Variants in ZFAND3 observed in about 807,000 individuals in gnomAD.
ZFAND3 encodes the protein AN1-type zinc finger protein 3.
In ZFAND3, 10 loss-of-function variants were observed where a neutral mutation model predicts 29.6. That is an observed-to-expected ratio of 0.34 (90% CI 0.21 to 0.57). ZFAND3 has a LOEUF of 0.57. Ranked by LOEUF, ZFAND3 falls within the 20% of genes least tolerant of loss-of-function variation. The pLI is 0.86. For missense variants in ZFAND3, 230 were observed against 304.5 expected, an observed-to-expected ratio of 0.76 and a Z score of 1.82; for synonymous variants, 128 against 112.6, an observed-to-expected ratio of 1.14 and a Z score of -0.87.
In ZFAND3 at chr6:37,961,467, T is replaced by C. The variant is rs527491408; in HGVS notation, c.112+31468T>C. Among the ~76,000 whole-genome samples, 8 of 152,334 alleles carry C rather than the reference T, an allele frequency of 5.3e-5. No individual in the cohort carries two copies. In the East Asian group the frequency reaches 1.4e-3, roughly 26 times the overall value. ...GGAAGGACATAGGTCTGCCTGGCTT[T>C]GCTACCTGCTGATTGTAGAGCCCTA... On this transcript the variant is annotated intron_variant, in intron 2 of 5. Transcript: ENST00000287218.
At chr6:38,039,558 A>T (rs1340919697) in intron 2 of ZFAND3, among the ~76,000 whole-genome samples, 1 of 152,216 alleles carries the variant, frequency 6.6e-6, no homozygotes, top group African/African-American at 2.4e-5. Flanking sequence ...TTAGATGCAT[A>T]TGTGTCAGCA....
intron 3 of ZFAND3, among the ~76,000 whole-genome samples, chr6:38,067,523 T>G (rs1180399627): frequency 6.6e-6 from 1 of 152,232 alleles, no homozygotes. Flanking sequence ...CAAATTAGGC[T>G]ATACAGTGGA....
At chr6:38,107,622 A>G (rs540412985) in intron 4 of ZFAND3, among the ~76,000 whole-genome samples, 4 of 152,334 alleles carry the variant, frequency 2.6e-5, no homozygotes, top group South Asian at 4.1e-4. Flanking sequence ...ACCTCAGGCC[A>G]GGAGTTTGAG....
At chr6:38,150,932 C>T (rs750559081) in intron 5 of ZFAND3, among the ~76,000 whole-genome samples, 15 of 152,292 alleles carry the variant, frequency 9.8e-5, no homozygotes, top group Middle Eastern at 3.4e-3. Context: ...TCCAGGCCCA[C>T]GGGGCCTGGA....
chr6:37,964,211 C>T (rs1056075793), intron 2 of ZFAND3, among the ~76,000 whole-genome samples: 1 of 152,174 alleles, frequency 6.6e-6, no homozygotes, highest in South Asian at 2.1e-4. Flanking sequence ...GAGATATGAA[C>T]TTTGATGTCC....
At chr6:37,984,672 C>T (rs1468239700) in intron 2 of ZFAND3, among the ~76,000 whole-genome samples, 1 of 152,248 alleles carries the variant, frequency 6.6e-6, no homozygotes, top group African/African-American at 2.4e-5. Context: ...AAAACTTCTA[C>T]TGAAGCCCAG....
intron 1 of ZFAND3, among the ~76,000 whole-genome samples, chr6:37,925,232 T>C (rs1172783450): frequency 6.6e-6 from 1 of 152,022 alleles, no homozygotes; most frequent in Non-Finnish European, 1.5e-5. Context: ...GGGTCAAGAA[T>C]GGGAACGAGA....
At chr6:37,972,494 A>G (rs554049038) in intron 2 of ZFAND3, among the ~76,000 whole-genome samples, 10 of 152,320 alleles carry the variant, frequency 6.6e-5, no homozygotes, top group Admixed American at 2.0e-4. Context: ...TTGTAGGTAT[A>G]TGGAATTGTG....
intron 2 of ZFAND3, among the ~76,000 whole-genome samples, chr6:37,994,798 C>T (rs1762821559): frequency 1.3e-5 from 2 of 152,146 alleles, no homozygotes; most frequent in African/African-American, 2.4e-5. Flanking sequence ...CAGATTTTTG[C>T]AGGTGCTGTT....
At chr6:37,827,336 A>G (rs1581690791) in intron 1 of ZFAND3, among the ~76,000 whole-genome samples, 1 of 152,224 alleles carries the variant, frequency 6.6e-6, no homozygotes, top group Non-Finnish European at 1.5e-5. Flanking sequence ...AGCGGCTTGT[A>G]CAGGGAGGTA....
chr6:37,897,171 C>T (rs1765235626), intron 1 of ZFAND3, among the ~76,000 whole-genome samples: 1 of 152,174 alleles, frequency 6.6e-6, no homozygotes, highest in Non-Finnish European at 1.5e-5. Context: ...TTCCTTCATA[C>T]CTGTAGGCTC....
At chr6:38,134,258 T>G (rs1256185001) in intron 5 of ZFAND3, among the ~76,000 whole-genome samples, 1 of 152,236 alleles carries the variant, frequency 6.6e-6, no homozygotes, top group Admixed American at 6.5e-5. Context: ...TGAGTGCTAA[T>G]TCATATCCTC....
At chr6:38,061,538 T>A in intron 2 of ZFAND3, 55 bp from the exon 3 acceptor site, 2 of 1,593,282 alleles carry the variant, frequency 1.3e-6, no homozygotes, top group South Asian at 2.2e-5. Flanking sequence ...CATTGTTTTC[T>A]AATCCTCAGA....
rs148898951 is a variant in ZFAND3 at position 38,093,031 on chromosome 6, C to T, written c.361+10574C>T. ...TTGAAGAAGCCTAATACATGCTAAT[C>T]CCAGTAGTATAAGCTACATAAACTA... On this transcript the variant is annotated intron_variant, in intron 4 of 5. Coordinates refer to ENST00000287218, the MANE Select transcript of ZFAND3 (RefSeq NM_021943.3). 1.2e-4 allele frequency among the ~76,000 whole-genome samples: 19 copies of T among 152,280 alleles called. No homozygotes were observed. The East Asian group carries it at 3.3e-3, about 26-fold the overall frequency.
chr6:37,876,210 T>A (rs919933269), intron 1 of ZFAND3, among the ~76,000 whole-genome samples: 1 of 152,234 alleles, frequency 6.6e-6, no homozygotes, highest in Non-Finnish European at 1.5e-5. Flanking sequence ...ACAGCAGAAA[T>A]GAAATCAGTT....
chr6:37,914,338 T>C (rs902333070), intron 1 of ZFAND3, among the ~76,000 whole-genome samples: 1 of 152,154 alleles, frequency 6.6e-6, no homozygotes, highest in Non-Finnish European at 1.5e-5. Flanking sequence ...AGAGTAGATT[T>C]AGCATAGTTG....
intron 1 of ZFAND3, among the ~76,000 whole-genome samples, chr6:37,860,564 A>G (rs1764467251): frequency 6.6e-6 from 1 of 151,006 alleles, no homozygotes; most frequent in Admixed American, 6.6e-5. Flanking sequence ...TGAGTAAGAA[A>G]TTGATTGCAT....
chr6:37,914,107 ATGT>A (rs1261113259), intron 1 of ZFAND3, among the ~76,000 whole-genome samples: 1 of 152,158 alleles, frequency 6.6e-6, no homozygotes, highest in Non-Finnish European at 1.5e-5. Flanking sequence ...TACAGAATGA[ATGT>A]TGTGTTTGCA....
chr6:37,895,437 T>G (rs1022008828), intron 1 of ZFAND3, among the ~76,000 whole-genome samples: 1 of 148,934 alleles, frequency 6.7e-6, no homozygotes, highest in Non-Finnish European at 1.5e-5. Context: ...TGGGTTCAAG[T>G]GATTCTCCTG....
Sources: allele counts gnomAD v4.1 joint callset (sites outside exome capture counted in the v4.1 genomes callset), GRCh38; gene constraint gnomAD v4.1.1; transcripts MANE v1.5; gene names NCBI Gene and HGNC (gene_info 2026-07-23, HGNC 2026-07-21).